Variants in DCDC2C observed in about 807,000 individuals in gnomAD.
DCDC2C encodes the protein doublecortin domain-containing protein 2C.
Under a neutral mutation model 45.0 loss-of-function variants are expected in DCDC2C, and 44 were observed. The ratio of observed to expected loss-of-function variants is 0.98; its 90% CI spans 0.77 to 1.26. The LOEUF is 1.26. DCDC2C is among the 50% of genes most tolerant of loss of function. The pLI, the probability that DCDC2C is intolerant of heterozygous loss-of-function variation, is 0.00. For synonymous variants in DCDC2C, 187 were observed against 178.8 expected, an observed-to-expected ratio of 1.05 and a Z score of -0.37; for missense variants, 447 against 468.9, an observed-to-expected ratio of 0.95 and a Z score of 0.43.
At chr2:3,839,110 C>A (rs891539144) in intron 10 of DCDC2C, among the ~76,000 whole-genome samples, 1 of 152,074 alleles carries the variant, frequency 6.6e-6, no homozygotes, top group Non-Finnish European at 1.5e-5. Context: ...TTCAAGCCAC[C>A]ATCAGAGATT....
intron 2 of DCDC2C, among the ~76,000 whole-genome samples, chr2:3,715,895 C>T (rs1668339754): frequency 6.6e-6 from 1 of 152,080 alleles, no homozygotes; most frequent in Admixed American, 6.5e-5. Flanking sequence ...AAATGTCATG[C>T]TGGGGGCTGT....
chr2:3,763,380 G>C (rs1370611634), intron 6 of DCDC2C, among the ~76,000 whole-genome samples: 1 of 152,182 alleles, frequency 6.6e-6, no homozygotes, highest in Non-Finnish European at 1.5e-5. Context: ...ATGTCACCCA[G>C]CTCAGGAGAT....
At chr2:3,829,380 G>C (rs1007146170) in intron 10 of DCDC2C, among the ~76,000 whole-genome samples, 1 of 151,052 alleles carries the variant, frequency 6.6e-6, no homozygotes, top group Non-Finnish European at 1.5e-5. Context: ...AATTAGCTTG[G>C]CTCTGTGAGG....
In DCDC2C at chr2:3,739,990, C is replaced by G. The variant is rs570469448; in HGVS notation, c.417-1930C>G. 1.2e-4 allele frequency among the ~76,000 whole-genome samples: 18 copies of G among 152,358 alleles called. No homozygotes were observed. In the East Asian group the frequency reaches 3.1e-3, roughly 26 times the overall value. ...TGGGGCACTGAAGAAGCGAGCCACG[C>G]CCCCATTGCACGCTCTGCGAGGGGG... On this transcript the variant is annotated intron_variant, in intron 3 of 10. Coordinates refer to ENST00000399143, the MANE Select transcript of DCDC2C (RefSeq NM_001287444.2).
At chr2:3,715,238 T>C (rs74911111) in intron 2 of DCDC2C, among the ~76,000 whole-genome samples, 1 of 152,304 alleles carries the variant, frequency 6.6e-6, no homozygotes, top group East Asian at 1.9e-4. Flanking sequence ...CATTAAGAGA[T>C]GTATAACATA....
chr2:3,769,327 A>G lies in DCDC2C; in HGVS notation c.870A>G (p.Lys290=). Residue 290 remains lysine, a synonymous_variant, in exon 8 of 11, where the codon AAA becomes AAG. Transcript: ENST00000399143. ...VQRGAEGDVY[K]APTPSKETQG... ...TTCTCCCAGAAGGTGACGTGTATAA[A>G]GCACCGACTCCTAGCAAGGAAACCC... 1.3e-6 allele frequency: 2 copies of G among 1,550,496 alleles called. No individual in the cohort carries two copies. Among genetic ancestry groups the G allele is most frequent in the Non-Finnish European group, 1.7e-6 (2 of 1,146,904 alleles).
intron 10 of DCDC2C, among the ~76,000 whole-genome samples, chr2:3,838,985 T>C (rs1000595430): frequency 3.9e-5 from 6 of 152,186 alleles, no homozygotes; most frequent in Non-Finnish European, 2.9e-5. Context: ...ATGAGCATGT[T>C]TGAATACAGA....
chr2:3,815,998 A>AT (rs1235658400), intron 10 of DCDC2C, among the ~76,000 whole-genome samples: 2 of 150,478 alleles, frequency 1.3e-5, no homozygotes, highest in Admixed American at 1.3e-4. Flanking sequence ...GGTGGCAAAA[A>AT]TTTTTTTTGG....
intron 10 of DCDC2C, among the ~76,000 whole-genome samples, chr2:3,808,292 C>T (rs141557457): frequency 4.1e-4 from 62 of 152,234 alleles, no homozygotes; most frequent in African/African-American, 1.3e-3. Context: ...AATGACATTG[C>T]GCATCTTTTC....
intron 10 of DCDC2C, among the ~76,000 whole-genome samples, chr2:3,834,785 A>G: frequency 6.6e-6 from 1 of 152,198 alleles, no homozygotes; most frequent in East Asian, 1.9e-4. Context: ...ACAGAATGAA[A>G]AGAGTCTGGC....
In DCDC2C at chr2:3,767,752, A is replaced by G; in HGVS notation, c.727-2A>G. 6.4e-7 allele frequency: 1 copy of G among 1,550,612 alleles called. No individual in the cohort carries two copies. The highest frequency in any genetic ancestry group is 1.4e-5 in the African/African-American group (1 of 73,124). On this transcript the variant is annotated splice_acceptor_variant, in intron 6 of 10. Coordinates refer to ENST00000399143, the MANE Select transcript of DCDC2C (RefSeq NM_001287444.2). LOFTEE classifies it high-confidence loss of function. ...ACTTTCTCTTCTTCATTTGTCCTGT[A>G]GGTGGACTCCAAAGGAAAAGAACCT...
intron 3 of DCDC2C, among the ~76,000 whole-genome samples, chr2:3,733,033 G>A (rs942498438): frequency 1.1e-4 from 16 of 152,258 alleles, no homozygotes; most frequent in African/African-American, 2.9e-4. Context: ...GATACCCCAA[G>A]TGGGATAGAT....
At chr2:3,831,075 A>G (rs1259877616) in intron 10 of DCDC2C, among the ~76,000 whole-genome samples, 1 of 152,078 alleles carries the variant, frequency 6.6e-6, no homozygotes, top group African/African-American at 2.4e-5. Flanking sequence ...GTGATCAAAG[A>G]TCGTGTGCTT....
chr2:3,712,855 C>T (rs1014046366), intron 2 of DCDC2C, among the ~76,000 whole-genome samples: 9 of 152,158 alleles, frequency 5.9e-5, no homozygotes, highest in Admixed American at 3.9e-4. Flanking sequence ...GCTTCATCAT[C>T]GTGTTCAATG....
intron 10 of DCDC2C, among the ~76,000 whole-genome samples, chr2:3,836,789 G>A (rs189173628): frequency 0.037 from 5,562 of 150,868 alleles, 310 homozygotes; most frequent in African/African-American, 0.13. Context: ...GTGAACCCGG[G>A]AGGCGGAGCT....
At chr2:3,762,629 C>T (rs1310978100) in intron 6 of DCDC2C, among the ~76,000 whole-genome samples, 1 of 152,038 alleles carries the variant, frequency 6.6e-6, no homozygotes, top group Non-Finnish European at 1.5e-5. Context: ...TTAACCTGAT[C>T]TCGTGAGAAC....
Position 3,738,183 on chromosome 2 carries a change from GAAAT to G in DCDC2C, c.417-3730_417-3727del, listed in dbSNP as rs1251663238. 3.3e-5 allele frequency among the ~76,000 whole-genome samples: 5 copies of G among 152,294 alleles called. No individual in the cohort carries two copies. In the East Asian group the frequency reaches 5.8e-4, roughly 18 times the overall value. ...TGATGAAATTTGGTAAATTTGGTAA[GAAAT>G]AAATAATTCAGTGCACCATTGACAG... On this transcript the variant is annotated intron_variant, in intron 3 of 10. Coordinates refer to ENST00000399143, the MANE Select transcript of DCDC2C (RefSeq NM_001287444.2).
chr2:3,742,908 C>T (rs1466612863), intron 4 of DCDC2C, among the ~76,000 whole-genome samples: 1 of 152,194 alleles, frequency 6.6e-6, no homozygotes, highest in Non-Finnish European at 1.5e-5. Flanking sequence ...GTCCCATTTG[C>T]ATGAATGAAA....
Position 3,734,316 on chromosome 2 carries a change from G to T in DCDC2C, c.416+7237G>T, listed in dbSNP as rs932903963. On this transcript the variant is annotated intron_variant, in intron 3 of 10. Transcript: ENST00000399143. The surrounding 1 kb of genome is among the most constrained non-coding windows in gnomAD (Gnocchi z 4.2). ...GTGATGGCATATCCAGCCTGGAAGG[G>T]CCCACCCTCCCTCCAGAGATAGGAG... Among the ~76,000 whole-genome samples, 3 of 152,308 alleles carry T rather than the reference G, an allele frequency of 2.0e-5. No homozygotes were observed. In the East Asian group the frequency reaches 5.8e-4, roughly 29 times the overall value.
Sources: allele counts gnomAD v4.1 joint callset (sites outside exome capture counted in the v4.1 genomes callset), GRCh38; gene constraint gnomAD v4.1.1; non-coding constraint Gnocchi (gnomAD v3.1); transcripts MANE v1.5; gene names NCBI Gene and HGNC (gene_info 2026-07-23, HGNC 2026-07-21).